The following FGGY variants were observed in gnomAD, a reference collection of about 807,000 sequenced individuals.
FGGY encodes FGGY carbohydrate kinase domain containing.
FGGY carries 72 observed loss-of-function variants against 71.3 expected under a neutral mutation model. That is an observed-to-expected ratio of 1.01 (90% CI 0.84 to 1.23). FGGY has a LOEUF of 1.23. Among genes scored for constraint, FGGY ranks in the 50% most tolerant of loss-of-function variants. The pLI is 0.00. For synonymous variants in FGGY, 251 were observed against 250.3 expected (o/e 1.00, Z -0.02); for missense variants, 668 against 682.3 (o/e 0.98, Z 0.23).
intron 14 of FGGY, among the ~76,000 whole-genome samples, chr1:59,689,276 A>G (rs534314422): frequency 6.6e-6 from 1 of 152,336 alleles, no homozygotes; most frequent in East Asian, 1.9e-4. Context: ...CAGGCAGAGA[A>G]GCAGCAGGAA....
intron 14 of FGGY, among the ~76,000 whole-genome samples, chr1:59,724,618 T>G (rs981835634): frequency 6.6e-6 from 1 of 152,226 alleles, no homozygotes; most frequent in Non-Finnish European, 1.5e-5. Flanking sequence ...ATTGGAATCT[T>G]GCTCCACATA....
At chr1:59,460,179 T>A (rs112368313) in intron 6 of FGGY, among the ~76,000 whole-genome samples, 1,747 of 152,074 alleles carry the variant, frequency 0.011, 34 homozygotes, top group African/African-American at 0.04. Flanking sequence ...ATCTGGAAAA[T>A]CGGGACACTG....
At chr1:59,659,204 A>T (rs1163335439) in intron 11 of FGGY, among the ~76,000 whole-genome samples, 1 of 152,178 alleles carries the variant, frequency 6.6e-6, no homozygotes, top group African/African-American at 2.4e-5. Context: ...TCTGTCTCAA[A>T]AAAAAGAGGG....
chr1:59,596,410 G>A (rs1194113569), intron 8 of FGGY, among the ~76,000 whole-genome samples: 1 of 148,250 alleles, frequency 6.7e-6, no homozygotes, highest in Middle Eastern at 3.4e-3. Context: ...AGAAGGTGCT[G>A]TCTGCCTGCT....
At chr1:59,422,466 G>T (rs1408321747) in intron 5 of FGGY, among the ~76,000 whole-genome samples, 1 of 152,196 alleles carries the variant, frequency 6.6e-6, no homozygotes, top group Non-Finnish European at 1.5e-5. Context: ...AGGCTGAATT[G>T]GGTGGATTGC....
chr1:59,529,909 T>A (rs183529376), intron 7 of FGGY, among the ~76,000 whole-genome samples: 2 of 152,370 alleles, frequency 1.3e-5, no homozygotes, highest in Non-Finnish European at 2.9e-5. Context: ...AAATTTTTGA[T>A]GTTCTTTATA....
chr1:59,416,640 C>A (rs2064478145), intron 5 of FGGY, among the ~76,000 whole-genome samples: 1 of 152,188 alleles, frequency 6.6e-6, no homozygotes, highest in South Asian at 2.1e-4. Context: ...TGGACTTTTC[C>A]CTCATGCTAG....
chr1:59,346,833 A>G (rs544809005), intron 4 of FGGY, among the ~76,000 whole-genome samples: 10 of 151,994 alleles, frequency 6.6e-5, no homozygotes, highest in Non-Finnish European at 1.2e-4. Flanking sequence ...TTTTGTAGAG[A>G]CTTGGTCTCA....
intron 6 of FGGY, among the ~76,000 whole-genome samples, chr1:59,506,596 C>T (rs1298627052): frequency 6.6e-6 from 1 of 152,136 alleles, no homozygotes; most frequent in Non-Finnish European, 1.5e-5. Flanking sequence ...GTCAGGAGTT[C>T]GAGACCAGTC....
At chr1:59,744,353 T>C (rs1045187761) in intron 14 of FGGY, among the ~76,000 whole-genome samples, 12 of 152,222 alleles carry the variant, frequency 7.9e-5, no homozygotes, top group Middle Eastern at 3.2e-3. Context: ...CCCAAGTAGC[T>C]GGGATTACAG....
intron 5 of FGGY, among the ~76,000 whole-genome samples, chr1:59,392,754 T>G (rs971350148): frequency 1.3e-5 from 2 of 152,204 alleles, no homozygotes; most frequent in African/African-American, 4.8e-5. Context: ...TTTCTTCATT[T>G]TTCCTTCTTC....
chr1:59,429,166 T>TA (rs546353331), intron 5 of FGGY, among the ~76,000 whole-genome samples: 13 of 152,060 alleles, frequency 8.5e-5, no homozygotes, highest in Non-Finnish European at 1.3e-4. Flanking sequence ...AGAGAAGTGA[T>TA]ATGCCAAATA....
At chr1:59,315,772 A>G (rs888887958) in intron 1 of FGGY, 1 of 152,224 alleles carries the variant, frequency 6.6e-6, no homozygotes, top group Non-Finnish European at 1.5e-5. Flanking sequence ...TGCCATTGCT[A>G]CAGACTCTAA....
At chr1:59,324,077 T>A (rs2046889016) in intron 2 of FGGY, among the ~76,000 whole-genome samples, 1 of 152,118 alleles carries the variant, frequency 6.6e-6, no homozygotes. Flanking sequence ...TCAGAGCAGT[T>A]GTTCTAATTC....
At chr1:59,515,943 A>G (rs1014480063) in intron 7 of FGGY, among the ~76,000 whole-genome samples, 5 of 152,200 alleles carry the variant, frequency 3.3e-5, no homozygotes, top group African/African-American at 1.2e-4. Context: ...TTTAATGGAA[A>G]GATAGAATAA....
chr1:59,619,610 A>G (rs2096789125), intron 9 of FGGY, among the ~76,000 whole-genome samples: 1 of 152,080 alleles, frequency 6.6e-6, no homozygotes, highest in Non-Finnish European at 1.5e-5. Flanking sequence ...CAAGGTCACA[A>G]TGGATGCGGC....
chr1:59,533,594 C>T (rs1296766185), intron 7 of FGGY, among the ~76,000 whole-genome samples: 1 of 152,204 alleles, frequency 6.6e-6, no homozygotes, highest in South Asian at 2.1e-4. Context: ...CTTAAATGTC[C>T]CTGTCTGACA....
At chr1:59,586,963 A>G (rs1448989655) in intron 8 of FGGY, among the ~76,000 whole-genome samples, 1 of 152,202 alleles carries the variant, frequency 6.6e-6, no homozygotes, top group Non-Finnish European at 1.5e-5. Flanking sequence ...GGTGCAGCGC[A>G]CCGTGCACGA....
intron 14 of FGGY, among the ~76,000 whole-genome samples, chr1:59,693,236 A>T (rs552954405): frequency 6.6e-6 from 1 of 152,364 alleles, no homozygotes; most frequent in South Asian, 2.1e-4. Flanking sequence ...GGCATCAGAC[A>T]GATATGGCTG....
Sources: gnomAD v4.1 joint callset for allele counts (sites outside exome capture counted in the v4.1 genomes callset) on GRCh38, gnomAD v4.1.1 for gene constraint, MANE v1.5 for transcripts, NCBI Gene and HGNC (gene_info 2026-07-23, HGNC 2026-07-21) for gene names.